SRCAP: variants seen among roughly 807,000 people sequenced by gnomAD.
SRCAP encodes the protein chromatin remodeling protein SRCAP.
A neutral mutation model predicts 263.1 loss-of-function variants in SRCAP; 46 were observed. That is an observed-to-expected ratio of 0.17 (90% CI 0.14 to 0.22). SRCAP has a LOEUF of 0.22. Ranked by LOEUF, SRCAP falls within the 10% of genes least tolerant of loss-of-function variation. SRCAP has a pLI of 1.00. For synonymous variants in SRCAP, 1,813 were observed against 1,662.1 expected (o/e 1.09, Z -2.21); for missense variants, 3,695 against 4,181.9 (o/e 0.88, Z 3.21).
Position 30,738,002 on chromosome 16 carries a change from C to T in SRCAP, c.7962C>T (p.Leu2654=), listed in dbSNP as rs1340051677. The stretch of plus-strand genomic sequence containing the variant: ...TGAGTGAGAGCAATGGCCTGGAGCT[C>T]CCACCCTCAGCAGCATCTGATGAGC... ...LCVSESNGLE[L]PPSAASDEPL... The change falls in exon 34 of 34, where the codon CTC becomes CTT. Residue 2654 remains leucine (L), a synonymous_variant. Coordinates refer to ENST00000262518, the MANE Select transcript of SRCAP (RefSeq NM_006662.3). 6 of 1,614,062 alleles carry T rather than the reference C, an allele frequency of 3.7e-6. No individual in the cohort carries two copies. The highest frequency in any genetic ancestry group is 1.1e-5 in the South Asian group (1 of 91,076).
At chr16:30,706,533 A>C (rs192421863) in intron 4 of SRCAP, among the ~76,000 whole-genome samples, 94 of 152,356 alleles carry the variant, frequency 6.2e-4, no homozygotes, top group Admixed American at 2.4e-3. Flanking sequence ...TAAATAAAAG[A>C]CAATCAGTGT....
At chr16:30,715,750 C>T (rs2052942411) in intron 16 of SRCAP, among the ~76,000 whole-genome samples, 1 of 152,148 alleles carries the variant, frequency 6.6e-6, no homozygotes, top group African/African-American at 2.4e-5. Flanking sequence ...TTTTTATTCT[C>T]CTCATCTTCT....
intron 16 of SRCAP, among the ~76,000 whole-genome samples, chr16:30,715,013 T>G (rs1291911652): frequency 6.6e-6 from 1 of 152,206 alleles, no homozygotes; most frequent in Non-Finnish European, 1.5e-5. Flanking sequence ...TTTTTTTGTC[T>G]TCTCAGTCTG....
chr16:30,739,590 G>A lies in SRCAP; in HGVS notation c.9550G>A (p.Asp3184Asn), dbSNP rs1017585079. 6.2e-6 allele frequency: 10 copies of A among 1,602,408 alleles called. No individual in the cohort carries two copies. The African/African-American group carries it at 6.7e-5, about 11-fold the overall frequency. The part of the protein sequence containing the change: ...AEASGEEEEG[D>N]GTPRRRPGPR... ...AGCCTCAGGTGAGGAGGAGGAAGGG[G>A]ATGGGACCCCACGCCGACGTCCTGG... The change falls in exon 34 of 34, where the codon GAT becomes AAT. Residue 3184 changes from aspartate to asparagine, a missense_variant. Coordinates refer to ENST00000262518, the MANE Select transcript of SRCAP (RefSeq NM_006662.3).
intron 24 of SRCAP, 27 bp from the exon 25 acceptor site, chr16:30,723,557 G>A (rs753570718): frequency 6.3e-7 from 1 of 1,591,252 alleles, no homozygotes; most frequent in South Asian, 1.1e-5. Flanking sequence ...AAGAATTCTG[G>A]GGCTAACTCA....
chr16:30,733,952 A>G lies in SRCAP; in HGVS notation c.6553A>G (p.Met2185Val). 1 of 1,613,784 alleles carries G rather than the reference A, an allele frequency of 6.2e-7. No homozygotes were observed. Among genetic ancestry groups the G allele is most frequent in the Non-Finnish European group, 8.5e-7 (1 of 1,179,822 alleles). The change falls in exon 30 of 34, where the codon ATG (methionine) becomes GTG (valine). Residue 2185 changes from methionine (M) to valine (V), a missense_variant. Around this residue, in one of 12 missense-constraint regions of SRCAP, gnomAD observed 138 missense variants for 254.9 expected, o/e 0.54. Transcript: ENST00000262518. This position sits in a 1 kb window ranked among gnomAD's most constrained non-coding sequence, Gnocchi z 5.3. ...NILKKANQKR[M>V]LGDMAIEGGN... ...CCTAAAAAAGGCAAATCAGAAGAGA[A>G]TGTTGGGGGACATGGCCATTGAGGG...
chr16:30,718,688 C>T (rs1007393736), intron 18 of SRCAP, among the ~76,000 whole-genome samples: 2 of 151,848 alleles, frequency 1.3e-5, no homozygotes. Flanking sequence ...CCCAGCTGGT[C>T]TCGAACGCCT....
chr16:30,707,828 T>A, intron 6 of SRCAP, 116 bp downstream of exon 6: 1 of 1,343,786 alleles, frequency 7.4e-7, no homozygotes, highest in Non-Finnish European at 1.0e-6. Context: ...GCAACTCTAA[T>A]GACGTTTATG....
In SRCAP at chr16:30,733,781, G is replaced by A. The variant is rs1437750130; in HGVS notation, c.6477G>A (p.Arg2159=). 12 of 1,613,738 alleles carry A rather than the reference G, an allele frequency of 7.4e-6. No homozygotes were observed. The highest frequency in any genetic ancestry group is 1.0e-5 in the Non-Finnish European group (12 of 1,179,824). Residue 2159 remains arginine, a synonymous_variant, in exon 29 of 34, where the codon CGG becomes CGA. Transcript: ENST00000262518. This position sits in a 1 kb window ranked among gnomAD's most constrained non-coding sequence, Gnocchi z 5.3. ...GCTGTCACCGAATTGGCCAGACCCGGGATGTCCACATATATAGGTATTGCC... is the reference window on the plus strand; with the variant it reads ...GCTGTCACCGAATTGGCCAGACCCGAGATGTCCACATATATAGGTATTGCC... The part of the protein sequence containing the change: ...QDRCHRIGQT[R]DVHIYRLISE...
intron 22 of SRCAP, 32 bp from the exon 23 acceptor site, chr16:30,722,531 T>G (rs767513353): frequency 6.2e-7 from 1 of 1,602,890 alleles, no homozygotes; most frequent in East Asian, 2.2e-5. Context: ...GATAGCTGCT[T>G]CTCTCTCTCT....
In SRCAP at chr16:30,737,376, A is replaced by G. The variant is rs770840104; in HGVS notation, c.7336A>G (p.Thr2446Ala). 15 of 1,612,418 alleles carry G rather than the reference A, an allele frequency of 9.3e-6. No individual in the cohort carries two copies. Among genetic ancestry groups the G allele is most frequent in the Middle Eastern group, 1.6e-4 (1 of 6,082 alleles). Residue 2446 changes from threonine (T) to alanine (A), a missense_variant, in exon 34 of 34, where the codon ACT becomes GCT. Thr to Ala is a moderately conservative substitution (Grantham distance 58, BLOSUM62 0). Transcript: ENST00000262518. The part of the protein sequence containing the change: ...VPRPAPRPRP[T>A]PASAPAAIPA... ...CAGGCCAGCACCTAGGCCTCGACCC[A>G]CTCCAGCTTCAGCTCCGGCTGCAAT...
chr16:30,740,030 C>G lies in SRCAP; in HGVS notation c.*297C>G, dbSNP rs2053209255. 3.2e-6 allele frequency: 1 copy of G among 311,324 alleles called. No homozygotes were observed. Among genetic ancestry groups the G allele is most frequent in the Admixed American group, 5.0e-5 (1 of 19,868 alleles). The allele number at this position is 311,324 out of a possible 1,614,324, so 19.3% of individuals were successfully genotyped here. A position where few individuals can be genotyped will look rare whatever the true frequency, so the allele number is the denominator to read the frequency against. On this transcript the variant is annotated 3_prime_UTR_variant, in exon 34 of 34. Transcript: ENST00000262518. ...CAGCTGTCTTTCACACAGCCCCCCA[C>G]CCTTAGGGGAAGGGGGAGGGGCTTC... is the stretch of plus-strand genomic sequence containing the variant.
Position 30,733,194 on chromosome 16 carries a change from A to G in SRCAP, c.6128-86A>G. 6.8e-7 allele frequency: 1 copy of G among 1,470,396 alleles called. No individual in the cohort carries two copies. Among genetic ancestry groups the G allele is most frequent in the Non-Finnish European group, 9.2e-7 (1 of 1,087,518 alleles). The allele number at this position is 1,470,396 out of a possible 1,614,324, so 91.1% of individuals were successfully genotyped here. A position where few individuals can be genotyped will look rare whatever the true frequency, so the allele number is the denominator to read the frequency against. On this transcript the variant is annotated intron_variant, in intron 27 of 33. Transcript: ENST00000262518. The surrounding 1 kb of genome is among the most constrained non-coding windows in gnomAD (Gnocchi z 5.3). ...GAAACTTTGGCTTAAAGCATTGATTATCTTTCAACCCCAGCCTTGCATTGC... is the reference window on the plus strand; with the variant it reads ...GAAACTTTGGCTTAAAGCATTGATTGTCTTTCAACCCCAGCCTTGCATTGC...
Position 30,723,966 on chromosome 16 carries a change from C to G in SRCAP, c.4542C>G (p.Ser1514=). 12 of 1,614,168 alleles carry G rather than the reference C, an allele frequency of 7.4e-6. No individual in the cohort carries two copies. Among genetic ancestry groups the G allele is most frequent in the Non-Finnish European group, 1.0e-5 (12 of 1,180,036 alleles). ...CTCTAGGTTTGGCCACAGCTCCATCCCTGTCTTCATCTCAGACACCTGGTC... is the reference window on the plus strand; with the variant it reads ...CTCTAGGTTTGGCCACAGCTCCATCGCTGTCTTCATCTCAGACACCTGGTC... ...ALTLGLATAP[S]LSSSQTPGHP... is the part of the protein sequence containing the mutation. Residue 1514 remains serine (S), a synonymous_variant, in exon 25 of 34, where the codon TCC becomes TCG. Coordinates refer to ENST00000262518, the MANE Select transcript of SRCAP (RefSeq NM_006662.3).
At position 30,713,237 on chromosome 16, in the gene SRCAP, G is replaced by T. The variant is rs368797062; in HGVS notation, c.2160G>T (p.Val720=). ...QGWTKPNAFH[V]CITSYKLVLQ... is the part of the protein sequence containing the mutation. ...GGACCAAGCCCAATGCCTTTCATGT[G>T]TGTATCACATCTTACAAGCTGGTGC... Residue 720 remains valine, a synonymous_variant, in exon 15 of 34, where the codon GTG becomes GTT. Transcript: ENST00000262518. The T allele has an allele frequency of 8.7e-6, 14 of 1,614,096 alleles. No homozygotes were observed. The highest frequency in any genetic ancestry group is 1.2e-5 in the Non-Finnish European group (14 of 1,180,044).
chr16:30,710,573 C>A (rs762005701), intron 8 of SRCAP, 181 bp from the exon 9 acceptor site: 1 of 800,838 alleles, frequency 1.2e-6, no homozygotes, highest in East Asian at 2.4e-5. Context: ...GGCAGTGGGG[C>A]CAGGATTTGG....
chr16:30,734,555 C>T lies in SRCAP; in HGVS notation c.6669C>T (p.Pro2223=). The T allele has an allele frequency of 1.2e-6, 2 of 1,613,958 alleles. No homozygotes were observed. Among genetic ancestry groups the T allele is most frequent in the Non-Finnish European group, 1.7e-6 (2 of 1,180,006 alleles). The part of the protein sequence containing the change: ...PLEEPSSSSV[P]SAPEEEEETV... ...AGGAACCTTCTAGCTCATCCGTGCC[C>T]TCTGCCCCTGAAGAGGAGGAAGAGA... Residue 2223 remains proline, a synonymous_variant, in exon 31 of 34, where the codon CCC becomes CCT. Coordinates refer to ENST00000262518, the MANE Select transcript of SRCAP (RefSeq NM_006662.3).
Position 30,709,523 on chromosome 16 carries a change from T to G in SRCAP, c.644T>G (p.Phe215Cys), listed in dbSNP as rs779191843. 6.2e-7 allele frequency: 1 copy of G among 1,614,152 alleles called. No homozygotes were observed. Among genetic ancestry groups the G allele is most frequent in the Non-Finnish European group, 8.5e-7 (1 of 1,180,022 alleles). Residue 215 changes from phenylalanine to cysteine, a missense_variant, in exon 7 of 34, where the codon TTC (phenylalanine) becomes TGC (cysteine). Coordinates refer to ENST00000262518, the MANE Select transcript of SRCAP (RefSeq NM_006662.3). ...FWSNVEKVVQ[F>C]KQQSRLEEKR... Reference sequence around the variant, plus strand: ...TCACATCTGTGGCAGGTGGTGCAATTCAAGCAACAGTCCCGGCTTGAGGAA... The same window carrying G: ...TCACATCTGTGGCAGGTGGTGCAATGCAAGCAACAGTCCCGGCTTGAGGAA...
chr16:30,720,813 C>G lies in SRCAP; in HGVS notation c.3088C>G (p.Pro1030Ala), dbSNP rs1455677920. The change falls in exon 20 of 34, where the codon CCT (proline) becomes GCT (alanine). Residue 1030 changes from proline (P) to alanine (A), a missense_variant. Physicochemically the swap from Pro to Ala is conservative, Grantham distance 27. Coordinates refer to ENST00000262518, the MANE Select transcript of SRCAP (RefSeq NM_006662.3). ...GPVPVRPPPG[P>A]ELSAQPTPGP... is the part of the protein sequence containing the mutation. Reference sequence around the variant, plus strand: ...TGTCCCAGTTCGACCTCCTCCAGGTCCTGAGCTCTCAGCCCAGCCCACCCC... The same window carrying G: ...TGTCCCAGTTCGACCTCCTCCAGGTGCTGAGCTCTCAGCCCAGCCCACCCC... 1 of 1,614,020 alleles carries G rather than the reference C, an allele frequency of 6.2e-7. No individual in the cohort carries two copies. Among genetic ancestry groups the G allele is most frequent in the African/African-American group, 1.3e-5 (1 of 74,916 alleles).
Sources: gnomAD v4.1 joint callset for allele counts (sites outside exome capture counted in the v4.1 genomes callset) on GRCh38, gnomAD v4.1.1 for gene constraint, gnomAD v4.1.1 regional missense constraint, Gnocchi (gnomAD v3.1) non-coding constraint, MANE v1.5 for transcripts, NCBI Gene and HGNC (gene_info 2026-07-23, HGNC 2026-07-21) for gene names.